The following MTUS2 variants were observed in gnomAD, a reference collection of about 807,000 sequenced individuals.
MTUS2 encodes microtubule associated scaffold protein 2.
A neutral mutation model predicts 114.1 loss-of-function variants in MTUS2; 40 were observed. The ratio of observed to expected loss-of-function variants is 0.35; its 90% CI spans 0.27 to 0.46. The LOEUF (loss-of-function observed/expected upper bound fraction) is 0.46, where lower values mean the gene tolerates loss of function less well. Ranked by LOEUF, MTUS2 falls within the 20% of genes least tolerant of loss-of-function variation. The pLI is 1.00. For missense variants in MTUS2, 1,679 were observed against 1,705.4 expected, an observed-to-expected ratio of 0.98 and a Z score of 0.27; for synonymous variants, 688 against 672.0, an observed-to-expected ratio of 1.02 and a Z score of -0.37.
At chr13:29,415,617 TG>T (rs1875606600) in intron 8 of MTUS2, among the ~76,000 whole-genome samples, 1 of 152,192 alleles carries the variant, frequency 6.6e-6, no homozygotes. Context: ...TCTTGGATGT[TG>T]TATATAGTTG....
chr13:29,284,694 T>C (rs1898407143), intron 6 of MTUS2, among the ~76,000 whole-genome samples: 1 of 152,218 alleles, frequency 6.6e-6, no homozygotes, highest in Non-Finnish European at 1.5e-5. Flanking sequence ...TCTGAAATTA[T>C]TGGTGGTGGT....
chr13:29,196,730 T>A (rs1286739598), intron 5 of MTUS2, among the ~76,000 whole-genome samples: 2 of 140,368 alleles, frequency 1.4e-5, no homozygotes, highest in Non-Finnish European at 3.2e-5. Flanking sequence ...CTGGCTTATT[T>A]CATTTAGCGT....
At chr13:29,135,907 A>ATGTATTAG (rs1243588408) in intron 5 of MTUS2, among the ~76,000 whole-genome samples, 1 of 152,220 alleles carries the variant, frequency 6.6e-6, no homozygotes, top group African/African-American at 2.4e-5. Flanking sequence ...TAATTTTGTA[A>ATGTATTAG]TGTATTAGTC....
chr13:29,418,359 A>G (rs1875831285), intron 8 of MTUS2, among the ~76,000 whole-genome samples: 1 of 152,062 alleles, frequency 6.6e-6, no homozygotes, highest in Non-Finnish European at 1.5e-5. Context: ...GAGTCTGTAA[A>G]CTGGCCCAAG....
At chr13:29,424,000 G>T (rs1876314801) in intron 8 of MTUS2, among the ~76,000 whole-genome samples, 1 of 151,078 alleles carries the variant, frequency 6.6e-6, no homozygotes, top group African/African-American at 2.4e-5. Context: ...GAATAGCTGG[G>T]ATTACAGGTG....
At chr13:29,500,369 C>A (rs1183556503) in intron 14 of MTUS2, among the ~76,000 whole-genome samples, 3 of 152,280 alleles carry the variant, frequency 2.0e-5, no homozygotes, top group East Asian at 3.9e-4. Context: ...TTGTCACATT[C>A]TTTTCAGGAA....
At chr13:28,853,592 T>C (rs1876437902) in intron 2 of MTUS2, among the ~76,000 whole-genome samples, 1 of 152,216 alleles carries the variant, frequency 6.6e-6, no homozygotes, top group Non-Finnish European at 1.5e-5. Context: ...TTGTCCTTTT[T>C]GCTGCATATG....
At chr13:29,383,115 T>C (rs1872338951) in intron 8 of MTUS2, among the ~76,000 whole-genome samples, 1 of 152,106 alleles carries the variant, frequency 6.6e-6, no homozygotes, top group South Asian at 2.1e-4. Context: ...TGGATATATA[T>C]TCTTTGTATT....
At chr13:28,823,818 G>A (rs1044454622) in intron 1 of MTUS2, among the ~76,000 whole-genome samples, 3 of 152,160 alleles carry the variant, frequency 2.0e-5, no homozygotes, top group Non-Finnish European at 4.4e-5. Flanking sequence ...GAGGCCTCAG[G>A]AAACATAGAA....
chr13:29,130,807 G>T (rs564507192), intron 5 of MTUS2, among the ~76,000 whole-genome samples: 12 of 152,142 alleles, frequency 7.9e-5, no homozygotes, highest in Admixed American at 7.9e-4. Context: ...TGTATTTTTA[G>T]TAGAGACGGG....
At chr13:29,456,568 G>A (rs1156573533) in intron 9 of MTUS2, among the ~76,000 whole-genome samples, 1 of 152,092 alleles carries the variant, frequency 6.6e-6, no homozygotes, top group Non-Finnish European at 1.5e-5. Flanking sequence ...CAGAGCCAAG[G>A]GGCTGAAAAT....
intron 2 of MTUS2, among the ~76,000 whole-genome samples, chr13:28,945,687 G>A (rs890945587): frequency 2.0e-5 from 3 of 152,170 alleles, no homozygotes; most frequent in African/African-American, 7.2e-5. Context: ...GTGTTTTGTT[G>A]TTGTTGTTGA....
At chr13:29,379,707 A>G (rs1457145123) in intron 8 of MTUS2, among the ~76,000 whole-genome samples, 2 of 152,198 alleles carry the variant, frequency 1.3e-5, no homozygotes, top group African/African-American at 4.8e-5. Context: ...GGAGAGAAGA[A>G]AAAACCCAGG....
chr13:29,215,124 T>C (rs908904254), intron 5 of MTUS2, among the ~76,000 whole-genome samples: 3 of 151,898 alleles, frequency 2.0e-5, no homozygotes, highest in African/African-American at 7.3e-5. Flanking sequence ...CTTCAGTGTC[T>C]GATATCCTTT....
At chr13:29,202,720 C>T (rs1895011325) in intron 5 of MTUS2, among the ~76,000 whole-genome samples, 1 of 152,146 alleles carries the variant, frequency 6.6e-6, no homozygotes, top group Non-Finnish European at 1.5e-5. Context: ...TAATGTTATG[C>T]TATTCCTTTC....
intron 8 of MTUS2, among the ~76,000 whole-genome samples, chr13:29,389,388 CGT>C (rs150320977): frequency 0.1 from 1,376 of 13,664 alleles, 177 homozygotes; most frequent in South Asian, 0.24. Flanking sequence ...TATGTATACA[CGT>C]GTGTGTATAT....
chr13:29,267,452 C>G (rs1897708817), intron 5 of MTUS2, among the ~76,000 whole-genome samples: 1 of 152,250 alleles, frequency 6.6e-6, no homozygotes, highest in South Asian at 2.1e-4. Flanking sequence ...GGCCTGTTAC[C>G]CCTGCTGCAA....
chr13:29,380,576 C>G (rs564189149), intron 8 of MTUS2, among the ~76,000 whole-genome samples: 6 of 152,134 alleles, frequency 3.9e-5, no homozygotes, highest in Non-Finnish European at 7.4e-5. Context: ...AAGGAACACA[C>G]GAGAGGAGAT....
intron 6 of MTUS2, among the ~76,000 whole-genome samples, chr13:29,306,002 G>A (rs1029608158): frequency 2.6e-5 from 4 of 152,064 alleles, no homozygotes; most frequent in African/African-American, 9.7e-5. Context: ...CAATAAATGT[G>A]ATTCATCACA....
Sources: gnomAD v4.1 joint callset for allele counts (sites outside exome capture counted in the v4.1 genomes callset) on GRCh38, gnomAD v4.1.1 for gene constraint, MANE v1.5 for transcripts, NCBI Gene and HGNC (gene_info 2026-07-23, HGNC 2026-07-21) for gene names.